The following RANBP9 variants were observed in gnomAD, a reference collection of about 807,000 sequenced individuals.
RANBP9 encodes ran-binding protein 9.
RANBP9 carries 15 observed loss-of-function variants against 84.3 expected under a neutral mutation model. That is an observed-to-expected ratio of 0.18 (90% CI 0.12 to 0.27). The LOEUF (loss-of-function observed/expected upper bound fraction) is 0.27. Ranked by LOEUF, RANBP9 falls within the 10% of genes least tolerant of loss-of-function variation. The pLI, the probability that RANBP9 is intolerant of heterozygous loss-of-function variation, is 1.00. For missense variants in RANBP9, 809 were observed against 912.8 expected (o/e 0.89, Z 1.46); for synonymous variants, 392 against 349.6 (o/e 1.12, Z -1.35).
intron 1 of RANBP9, among the ~76,000 whole-genome samples, chr6:13,708,521 A>G (rs1461460843): frequency 6.6e-6 from 1 of 152,166 alleles, no homozygotes; most frequent in African/African-American, 2.4e-5. Context: ...GATAAGGAAA[A>G]TTCTCGTCAC....
chr6:13,654,056 CA>C (rs1765350473), intron 4 of RANBP9, among the ~76,000 whole-genome samples: 1 of 152,060 alleles, frequency 6.6e-6, no homozygotes. Flanking sequence ...TAGTTATAAT[CA>C]ACACTGTATA....
chr6:13,681,095 A>C (rs1218440667), intron 2 of RANBP9, among the ~76,000 whole-genome samples: 1 of 152,226 alleles, frequency 6.6e-6, no homozygotes, highest in Non-Finnish European at 1.5e-5. Context: ...TTACAGAAAA[A>C]GCAATGACCT....
intron 2 of RANBP9, among the ~76,000 whole-genome samples, chr6:13,689,694 A>G (rs1469882580): frequency 6.6e-6 from 1 of 152,186 alleles, no homozygotes; most frequent in Non-Finnish European, 1.5e-5. Flanking sequence ...CATTTACCAT[A>G]GTCTGGAATG....
intron 2 of RANBP9, among the ~76,000 whole-genome samples, chr6:13,667,384 A>G (rs555776415): frequency 6.6e-6 from 1 of 152,260 alleles, no homozygotes; most frequent in Non-Finnish European, 1.5e-5. Flanking sequence ...TACCTTATTA[A>G]GATTTTAATG....
At chr6:13,659,160 A>G (rs1417712934) in intron 2 of RANBP9, among the ~76,000 whole-genome samples, 1 of 152,042 alleles carries the variant, frequency 6.6e-6, no homozygotes, top group Non-Finnish European at 1.5e-5. Context: ...TCTCACAAAA[A>G]AAGCACAGAG....
At chr6:13,629,921 CG>C (rs1379049562) in intron 12 of RANBP9, among the ~76,000 whole-genome samples, 54 of 128,424 alleles carry the variant, frequency 4.2e-4, no homozygotes, top group Admixed American at 1.6e-3. Flanking sequence ...CTCTCTCTCT[CG>C]TGTGTGTGTG....
intron 5 of RANBP9, among the ~76,000 whole-genome samples, chr6:13,648,329 G>T (rs1765220161): frequency 6.6e-6 from 1 of 151,766 alleles, no homozygotes; most frequent in African/African-American, 2.4e-5. Context: ...TGTATTTTTA[G>T]TAGAGACGGG....
intron 2 of RANBP9, among the ~76,000 whole-genome samples, chr6:13,687,868 A>G (rs1766225375): frequency 6.6e-6 from 1 of 152,218 alleles, no homozygotes; most frequent in Non-Finnish European, 1.5e-5. Context: ...AGCACCTGAA[A>G]GATAAAAGGT....
chr6:13,666,204 G>GGGAA (rs1219514882), intron 2 of RANBP9, among the ~76,000 whole-genome samples: 1 of 152,018 alleles, frequency 6.6e-6, no homozygotes, highest in Non-Finnish European at 1.5e-5. Flanking sequence ...GTGATTAGGA[G>GGGAA]GGAAGTATAC....
intron 2 of RANBP9, among the ~76,000 whole-genome samples, chr6:13,665,867 GCATATGT>G (rs1765632311): frequency 6.6e-6 from 1 of 152,142 alleles, no homozygotes; most frequent in African/African-American, 2.4e-5. Context: ...TACAAGAAGA[GCATATGT>G]CATATAATTC....
At chr6:13,633,394 A>C (rs1283959245) in intron 11 of RANBP9, among the ~76,000 whole-genome samples, 3 of 152,226 alleles carry the variant, frequency 2.0e-5, no homozygotes, top group African/African-American at 7.2e-5. Context: ...ATTACTTATA[A>C]GTCATTAAAA....
chr6:13,636,768 T>C (rs1199756669), intron 10 of RANBP9, among the ~76,000 whole-genome samples: 3 of 152,360 alleles, frequency 2.0e-5, no homozygotes, highest in South Asian at 4.1e-4. Flanking sequence ...TTACAACTTA[T>C]ATCAATCACA....
intron 3 of RANBP9, among the ~76,000 whole-genome samples, chr6:13,658,530 A>G (rs1765462462): frequency 6.6e-6 from 1 of 152,190 alleles, no homozygotes; most frequent in Admixed American, 6.5e-5. Flanking sequence ...AAACCGCTTG[A>G]TCCCAGGAGG....
Position 13,711,260 on chromosome 6 carries a change from C to CG in RANBP9, c.245dup (p.Pro83AlafsTer136). 1 of 853,730 alleles carries CG rather than the reference C, an allele frequency of 1.2e-6. No homozygotes were observed. Among genetic ancestry groups the CG allele is most frequent in the Non-Finnish European group, 1.4e-6 (1 of 716,152 alleles). The allele number at this position is 853,730 out of a possible 1,614,324, so 52.9% of individuals were successfully genotyped here. A position where few individuals can be genotyped will look rare whatever the true frequency, so the allele number is the denominator to read the frequency against. The stretch of plus-strand genomic sequence containing the variant: ...GAGGCGGGGGCGGCGGCGGGGGCGG[C>CG]GGGGCCGCGGTGGCCGGGGGCGGCG... On this transcript the variant is annotated frameshift_variant, in exon 1 of 14. Coordinates refer to ENST00000011619, the MANE Select transcript of RANBP9 (RefSeq NM_005493.3). LOFTEE classifies it high-confidence loss of function.
Position 13,652,644 on chromosome 6 carries a change from T to TA in RANBP9, c.927+14dup. On this transcript the variant is annotated intron_variant, in intron 5 of 13. Transcript: ENST00000011619. ...GTAATTAAAAATGGAAAACTGCTTT[T>TA]AAAAAAAGTCTTACCGGTAGGTCAG... The TA allele has an allele frequency of 1.3e-6, 2 of 1,570,816 alleles. No homozygotes were observed. The highest frequency in any genetic ancestry group is 2.2e-5 in the East Asian group (1 of 44,518).
chr6:13,632,415 T>C lies in RANBP9; in HGVS notation c.1902A>G (p.Leu634=). The C allele has an allele frequency of 6.2e-7, 1 of 1,614,092 alleles. No individual in the cohort carries two copies. ...CAGTGTTCTTGCCACAGTCTCTCCT[T>C]AGCTGTTCACTCATTGCTTGCAGCT... is the stretch of plus-strand genomic sequence containing the variant. The part of the protein sequence containing the change: ...GRELQAMSEQ[L]RRDCGKNTAN... Residue 634 remains leucine (L), a synonymous_variant, in exon 12 of 14, where the codon CTA becomes CTG. Transcript: ENST00000011619.
Position 13,637,800 on chromosome 6 carries a change from T to C in RANBP9, c.1673+8A>G, listed in dbSNP as rs571199789. On this transcript the variant is annotated splice_region_variant and intron_variant, in intron 10 of 13. Coordinates refer to ENST00000011619, the MANE Select transcript of RANBP9 (RefSeq NM_005493.3). ...TATATTAGTGCAAAAGTCAGTGAAATTACTTACCTGGTGAAGTTATTAACT... is the reference window on the plus strand; with the variant it reads ...TATATTAGTGCAAAAGTCAGTGAAACTACTTACCTGGTGAAGTTATTAACT... 13 of 1,576,012 alleles carry C rather than the reference T, an allele frequency of 8.2e-6. No individual in the cohort carries two copies. The East Asian group carries it at 2.0e-4, about 25-fold the overall frequency.
chr6:13,629,921 CGTGTG>C (rs1764732415), intron 12 of RANBP9, among the ~76,000 whole-genome samples: 1 of 128,342 alleles, frequency 7.8e-6, no homozygotes, highest in Non-Finnish European at 1.7e-5. Flanking sequence ...CTCTCTCTCT[CGTGTG>C]TGTGTGTGTG....
chr6:13,706,562 G>A (rs1166427118), intron 1 of RANBP9, among the ~76,000 whole-genome samples: 1 of 150,858 alleles, frequency 6.6e-6, no homozygotes, highest in Non-Finnish European at 1.5e-5. Context: ...GCGTGGTGGC[G>A]CATGCCTGTA....
Sources: allele counts gnomAD v4.1 joint callset (sites outside exome capture counted in the v4.1 genomes callset), GRCh38; gene constraint gnomAD v4.1.1; transcripts MANE v1.5; gene names NCBI Gene and HGNC (gene_info 2026-07-23, HGNC 2026-07-21).